Variants in WT1 observed in about 807,000 individuals in gnomAD.
WT1 encodes the protein Wilms tumor protein.
In WT1, 8 loss-of-function variants were observed where a neutral mutation model predicts 60.8. The ratio of observed to expected loss-of-function variants is 0.13; its 90% CI spans 0.08 to 0.24. WT1 has a LOEUF of 0.24. Among genes scored for constraint, WT1 ranks in the 10% least tolerant of loss-of-function variants. WT1 has a pLI of 1.00. For synonymous variants in WT1, 312 were observed against 297.1 expected, an observed-to-expected ratio of 1.05 and a Z score of -0.52; for missense variants, 568 against 711.8, an observed-to-expected ratio of 0.80 and a Z score of 2.30.
intron 7 of WT1, among the ~76,000 whole-genome samples, chr11:32,393,173 G>C (rs1396535319): frequency 6.6e-6 from 1 of 152,240 alleles, no homozygotes; most frequent in Non-Finnish European, 1.5e-5. Flanking sequence ...AGAATTCTGG[G>C]ATGCATGTGC....
chr11:32,420,959 A>G (rs1451897666), intron 3 of WT1, among the ~76,000 whole-genome samples: 1 of 152,190 alleles, frequency 6.6e-6, no homozygotes, highest in African/African-American at 2.4e-5. Flanking sequence ...TCCCCAAGCT[A>G]CTAATAGGTT....
At chr11:32,391,936 AT>A (rs1851828823) in intron 9 of WT1, 35 bp downstream of exon 9, 2 of 1,588,162 alleles carry the variant, frequency 1.3e-6, no homozygotes, top group Non-Finnish European at 1.7e-6. Flanking sequence ...GTTTAAAAAA[AT>A]AATGAAAAAT....
chr11:32,414,429 C>G (rs1169824759), intron 5 of WT1, among the ~76,000 whole-genome samples: 2 of 152,078 alleles, frequency 1.3e-5, no homozygotes, highest in African/African-American at 2.4e-5. Flanking sequence ...TGTGCCACCA[C>G]GTCTGGCTAA....
intron 5 of WT1, among the ~76,000 whole-genome samples, chr11:32,408,886 G>A (rs941132467): frequency 6.6e-6 from 1 of 152,090 alleles, no homozygotes; most frequent in Non-Finnish European, 1.5e-5. Flanking sequence ...CTGTGTACTC[G>A]TATGAACCAC....
rs2133104790 is a variant in WT1 at position 32,435,036 on chromosome 11, G to A, written c.325C>T (p.Pro109Ser). The change falls in exon 1 of 10, where the codon CCG becomes TCG. Residue 109 changes from proline to serine, a missense_variant. By Grantham distance (74) the Pro-to-Ser change is moderately conservative. Coordinates refer to ENST00000452863, the MANE Select transcript of WT1 (RefSeq NM_024426.6). ...CCCGGGGGCGCAAAGTCCAGCACCG[G>A]CGCCCACTGCGCCGCGCCGCTCACA... The A allele has an allele frequency of 6.9e-7, 1 of 1,459,442 alleles. No homozygotes were observed. The highest frequency in any genetic ancestry group is 2.8e-5 in the East Asian group (1 of 36,060). 90.4% of individuals were successfully genotyped at this position (1,459,442 alleles called of 1,614,324 possible).
At chr11:32,414,084 C>T (rs79039519) in intron 5 of WT1, among the ~76,000 whole-genome samples, 1,662 of 152,164 alleles carry the variant, frequency 0.011, 22 homozygotes, top group African/African-American at 0.037. Flanking sequence ...AAAATGGAAG[C>T]GGAAATTCGT....
At position 32,400,170 on chromosome 11, in the gene WT1, C is replaced by T. The variant is rs1852110479; in HGVS notation, c.1017-126G>A. On this transcript the variant is annotated intron_variant, in intron 5 of 9. Coordinates refer to ENST00000452863, the MANE Select transcript of WT1 (RefSeq NM_024426.6). ...CAGAACAAAAATAGTTGGTTTTTGC[C>T]TCCCTCCATGGGGCCACTTTAGATG... The T allele has an allele frequency of 3.3e-6, 4 of 1,206,128 alleles. No homozygotes were observed. In the South Asian group the frequency reaches 3.9e-5, roughly 12 times the overall value. The allele number at this position is 1,206,128 out of a possible 1,614,324, so 74.7% of individuals were successfully genotyped here.
At position 32,434,859 on chromosome 11, in the gene WT1, G is replaced by A; in HGVS notation, c.502C>T (p.His168Tyr). ...GTGCCAGTGAACTGGCCGGAAAAGT[G>A]GACAGTGAAGGCGCTCAGGCACTGC... Residue 168 changes from histidine (H) to tyrosine (Y), a missense_variant, in exon 1 of 10, where the codon CAC (histidine) becomes TAC (tyrosine). Physicochemically the swap from His to Tyr is moderately conservative, Grantham distance 83. This residue lies in a region of WT1 where 523 missense variants were observed against 565.1 expected (regional missense o/e 0.93). Transcript: ENST00000452863. 1 of 1,612,594 alleles carries A rather than the reference G, an allele frequency of 6.2e-7. No homozygotes were observed. Among genetic ancestry groups the A allele is most frequent in the Non-Finnish European group, 8.5e-7 (1 of 1,179,854 alleles).
At chr11:32,423,541 GA>G (rs1852922703) in intron 3 of WT1, among the ~76,000 whole-genome samples, 10 of 152,226 alleles carry the variant, frequency 6.6e-5, no homozygotes, top group Non-Finnish European at 1.2e-4. Context: ...GACCATCCTT[GA>G]GTGAGACTGA....
chr11:32,396,598 A>T (rs1251158616), intron 6 of WT1, among the ~76,000 whole-genome samples, 191 bp from the exon 7 acceptor site: 1 of 152,168 alleles, frequency 6.6e-6, no homozygotes, highest in Non-Finnish European at 1.5e-5. Context: ...GACATTCTAC[A>T]ATGCAGTGCT....
intron 1 of WT1, 74 bp from the exon 2 acceptor site, chr11:32,428,693 A>AG: frequency 6.5e-6 from 10 of 1,534,514 alleles, no homozygotes; most frequent in African/African-American, 3.4e-5. Flanking sequence ...TGAACCAGCC[A>AG]CGGGCGGGGG....
intron 5 of WT1, chr11:32,400,525 G>T (rs1257798231): frequency 3.6e-6 from 1 of 281,288 alleles, no homozygotes; most frequent in Non-Finnish European, 7.0e-6. Flanking sequence ...TCAGAAGTGG[G>T]GATTACATAT....
At chr11:32,416,912 A>T (rs1381758267) in intron 4 of WT1, among the ~76,000 whole-genome samples, 2 of 152,204 alleles carry the variant, frequency 1.3e-5, no homozygotes, top group African/African-American at 2.4e-5. Context: ...AGGACACCTG[A>T]CACGCTGCAG....
Position 32,435,083 on chromosome 11 carries a change from C to T in WT1, c.278G>A (p.Gly93Asp), listed in dbSNP as rs1590410578. Residue 93 changes from glycine to aspartate, a missense_variant, in exon 1 of 10, where the codon GGC (glycine) becomes GAC (aspartate). This residue lies in a region of WT1 where 523 missense variants were observed against 565.1 expected (regional missense o/e 0.93). Transcript: ENST00000452863. ...CACAGGCAGGGCACAGCCGCCGCCG[C>T]CACCCAGGGAGGGGACGGCGGGCAG... 6 of 1,495,876 alleles carry T rather than the reference C, an allele frequency of 4.0e-6. No individual in the cohort carries two copies. The highest frequency in any genetic ancestry group is 1.3e-5 in the South Asian group (1 of 79,540). The allele number at this position is 1,495,876 out of a possible 1,614,324, so 92.7% of individuals were successfully genotyped here. A position where few individuals can be genotyped will look rare whatever the true frequency, so the allele number is the denominator to read the frequency against.
intron 1 of WT1, 102 bp downstream of exon 1, chr11:32,434,598 T>C: frequency 6.3e-7 from 1 of 1,578,034 alleles, no homozygotes; most frequent in Non-Finnish European, 8.6e-7. Context: ...AGCAGCTGGG[T>C]AAGAGCTGCG....
rs992686888 is a variant in WT1, at chr11:32,409,476, T to G, written c.1016+7014A>C. On this transcript the variant is annotated intron_variant, in intron 5 of 9. Coordinates refer to ENST00000452863, the MANE Select transcript of WT1 (RefSeq NM_024426.6). The stretch of plus-strand genomic sequence containing the variant: ...AGCACTTTTTCTTTATTATTATTAT[T>G]TTTAGAGAGATGGTCTCTGTTGCCC... Among the ~76,000 whole-genome samples the G allele has an allele frequency of 1.7e-4, 26 of 152,222 alleles. 1 individual carries two copies. The highest frequency in any genetic ancestry group is 5.2e-4 in the Admixed American group (8 of 15,280).
At position 32,396,288 on chromosome 11, in the gene WT1, G is replaced by C. The variant is rs2132939576; in HGVS notation, c.1233C>G (p.Ser411=). 1 of 1,614,140 alleles carries C rather than the reference G, an allele frequency of 6.2e-7. No individual in the cohort carries two copies. Among genetic ancestry groups the C allele is most frequent in the South Asian group, 1.1e-5 (1 of 91,080 alleles). ...GCTTCCTGCTGTGCATCTGTAAGTG[G>C]GACAGCTTAAAATATCTCTTATTGC... Residue 411 remains serine (S), a synonymous_variant, in exon 7 of 10, where the codon TCC becomes TCG. Transcript: ENST00000452863.
chr11:32,402,664 A>G (rs1420399285), intron 5 of WT1, among the ~76,000 whole-genome samples: 1 of 152,134 alleles, frequency 6.6e-6, no homozygotes, highest in East Asian at 1.9e-4. Context: ...TCCTGCTTCC[A>G]TCTCCCAAAG....
At chr11:32,422,097 G>A (rs915373011) in intron 3 of WT1, among the ~76,000 whole-genome samples, 3 of 152,242 alleles carry the variant, frequency 2.0e-5, no homozygotes, top group African/African-American at 7.2e-5. Flanking sequence ...AACAGAGGGT[G>A]CAGCCAGACT....
Sources: gnomAD v4.1 joint callset for allele counts (sites outside exome capture counted in the v4.1 genomes callset) on GRCh38, gnomAD v4.1.1 for gene constraint, gnomAD v4.1.1 regional missense constraint, MANE v1.5 for transcripts, NCBI Gene and HGNC (gene_info 2026-07-23, HGNC 2026-07-21) for gene names.